KANSL1L: variants seen among roughly 807,000 people sequenced by gnomAD.
KANSL1L encodes KAT8 regulatory NSL complex subunit 1 like, also known as KAT8 regulatory NSL complex subunit 1-like protein.
A neutral mutation model predicts 108.6 loss-of-function variants in KANSL1L; 25 were observed. That is an observed-to-expected ratio of 0.23 (90% CI 0.17 to 0.32). The LOEUF (loss-of-function observed/expected upper bound fraction) is 0.32, where lower values mean the gene tolerates loss of function less well. Ranked by LOEUF, KANSL1L falls within the 10% of genes least tolerant of loss-of-function variation. The pLI is 1.00. For missense variants in KANSL1L, 1,137 were observed against 1,125.7 expected (o/e 1.01, Z -0.14); for synonymous variants, 405 against 395.1 (o/e 1.03, Z -0.30).
At chr2:210,024,978 T>C (rs1274209007) in intron 13 of KANSL1L, 126 bp downstream of exon 13, 18 of 648,096 alleles carry the variant, frequency 2.8e-5, no homozygotes, top group Non-Finnish European at 5.6e-6. Flanking sequence ...ATTTTACTTC[T>C]GGTGCACAAT....
intron 3 of KANSL1L, among the ~76,000 whole-genome samples, chr2:210,123,008 G>C (rs1169893103): frequency 1.3e-5 from 2 of 152,102 alleles, no homozygotes; most frequent in African/African-American, 2.4e-5. Context: ...TCTCACCCCA[G>C]TTAAAATAGC....
At chr2:210,025,656 T>C (rs913159034) in intron 12 of KANSL1L, among the ~76,000 whole-genome samples, 5 of 152,154 alleles carry the variant, frequency 3.3e-5, no homozygotes, top group African/African-American at 1.2e-4. Flanking sequence ...AGAGAACAAA[T>C]GTTATGAGAT....
intron 2 of KANSL1L, among the ~76,000 whole-genome samples, chr2:210,139,349 C>T (rs1349204281): frequency 6.6e-6 from 1 of 152,162 alleles, no homozygotes; most frequent in Non-Finnish European, 1.5e-5. Context: ...ACTTTGGCCA[C>T]TGTAAATGAG....
chr2:210,149,231 T>C (rs769849477), intron 2 of KANSL1L, among the ~76,000 whole-genome samples: 2 of 152,082 alleles, frequency 1.3e-5, no homozygotes, highest in African/African-American at 4.8e-5. Flanking sequence ...CAACTACATA[T>C]ACAAACACAG....
intron 13 of KANSL1L, 121 bp downstream of exon 13, chr2:210,024,983 C>A: frequency 1.5e-6 from 1 of 659,488 alleles, no homozygotes. Flanking sequence ...ACTTCTGGTG[C>A]ACAATAGCTG....
At chr2:210,128,985 C>T (rs1575585350) in intron 3 of KANSL1L, 46 bp downstream of exon 3, 2 of 1,472,912 alleles carry the variant, frequency 1.4e-6, no homozygotes, top group Non-Finnish European at 1.9e-6. Context: ...GGAATGAAAA[C>T]ATTAACAATT....
chr2:210,113,257 A>G (rs1427521846), intron 3 of KANSL1L, among the ~76,000 whole-genome samples: 2 of 152,208 alleles, frequency 1.3e-5, no homozygotes, highest in Non-Finnish European at 2.9e-5. Flanking sequence ...TTTGGGAGCC[A>G]GACATTAAAA....
At chr2:210,035,952 ACT>A (rs1360313681) in intron 8 of KANSL1L, among the ~76,000 whole-genome samples, 1 of 152,102 alleles carries the variant, frequency 6.6e-6, no homozygotes, top group East Asian at 1.9e-4. Flanking sequence ...ACTAAATCAG[ACT>A]CTGCATTCTA....
At chr2:210,111,352 C>T (rs932363708) in intron 3 of KANSL1L, among the ~76,000 whole-genome samples, 2 of 151,914 alleles carry the variant, frequency 1.3e-5, no homozygotes, top group African/African-American at 2.4e-5. Flanking sequence ...AAAGATGAAC[C>T]TAAAAGCATT....
At chr2:210,104,583 T>C (rs1226054881) in intron 3 of KANSL1L, among the ~76,000 whole-genome samples, 2 of 152,122 alleles carry the variant, frequency 1.3e-5, no homozygotes, top group African/African-American at 2.4e-5. Context: ...GCATGACATA[T>C]TAAAATAAAA....
In KANSL1L at chr2:210,022,835, A is replaced by AGAT; in HGVS notation, c.*111_*113dup. On this transcript the variant is annotated 3_prime_UTR_variant, in exon 15 of 15. Transcript: ENST00000281772. ...TTGCCTGTTTCATAAACAGCATAAA[A>AGAT]GATTAATACATGCAGAACATGCTCT... 1.4e-6 allele frequency: 1 copy of AGAT among 731,436 alleles called. No homozygotes were observed. The highest frequency in any genetic ancestry group is 2.3e-6 in the Non-Finnish European group (1 of 440,520). 45.3% of individuals were successfully genotyped at this position (731,436 alleles called of 1,614,324 possible). A position where few individuals can be genotyped will look rare whatever the true frequency, so the allele number is the denominator to read the frequency against.
intron 2 of KANSL1L, among the ~76,000 whole-genome samples, chr2:210,131,423 T>C (rs569118388): frequency 2.0e-5 from 3 of 152,266 alleles, no homozygotes; most frequent in African/African-American, 7.2e-5. Flanking sequence ...AAACATTCTT[T>C]AAGTTTTGCT....
chr2:210,133,203 T>C (rs2095142658), intron 2 of KANSL1L, among the ~76,000 whole-genome samples: 1 of 152,136 alleles, frequency 6.6e-6, no homozygotes, highest in South Asian at 2.1e-4. Context: ...CATGTGCATA[T>C]AAGCTACATA....
chr2:210,112,941 C>T (rs553126707), intron 3 of KANSL1L, among the ~76,000 whole-genome samples: 25 of 152,306 alleles, frequency 1.6e-4, no homozygotes, highest in African/African-American at 5.5e-4. Context: ...ACAATAGCAG[C>T]TACCCATCCC....
intron 6 of KANSL1L, among the ~76,000 whole-genome samples, chr2:210,065,028 C>T (rs2094454255): frequency 6.6e-6 from 1 of 151,588 alleles, no homozygotes; most frequent in Non-Finnish European, 1.5e-5. Context: ...TTAGGCCAAG[C>T]ATGATGGCTT....
At chr2:210,140,599 GC>G (rs2125588786) in intron 2 of KANSL1L, among the ~76,000 whole-genome samples, 1 of 152,250 alleles carries the variant, frequency 6.6e-6, no homozygotes, top group East Asian at 1.9e-4. Context: ...GGTGCCTCCA[GC>G]TTTGTTCTTT....
chr2:210,078,617 G>T (rs1028963085), intron 5 of KANSL1L, among the ~76,000 whole-genome samples: 2 of 152,202 alleles, frequency 1.3e-5, no homozygotes, highest in Non-Finnish European at 2.9e-5. Context: ...AATAATGGAT[G>T]AAGGTTATTG....
At chr2:210,145,512 G>A (rs2095259208) in intron 2 of KANSL1L, among the ~76,000 whole-genome samples, 1 of 152,164 alleles carries the variant, frequency 6.6e-6, no homozygotes, top group African/African-American at 2.4e-5. Flanking sequence ...ATGTTTCTGG[G>A]GTCTGAGGCA....
intron 5 of KANSL1L, among the ~76,000 whole-genome samples, chr2:210,094,808 A>T (rs138351272): frequency 2.6e-4 from 40 of 152,046 alleles, no homozygotes; most frequent in African/African-American, 9.7e-4. Flanking sequence ...CATTATAAAC[A>T]TATTTATAGT....
Sources: allele counts gnomAD v4.1 joint callset (sites outside exome capture counted in the v4.1 genomes callset), GRCh38; gene constraint gnomAD v4.1.1; transcripts MANE v1.5; gene names NCBI Gene and HGNC (gene_info 2026-07-23, HGNC 2026-07-21).